The following ANKRD62 variants were observed in gnomAD, a reference collection of about 807,000 sequenced individuals.
The protein encoded by ANKRD62 is ankyrin repeat domain 62, also known as ankyrin repeat domain-containing protein 62.
Under a neutral mutation model 98.8 loss-of-function variants are expected in ANKRD62, and 61 were observed. That is an observed-to-expected ratio of 0.62 (90% confidence interval 0.50 to 0.76). The LOEUF (loss-of-function observed/expected upper bound fraction) is 0.76. Ranked by LOEUF, ANKRD62 falls within the 30% of genes least tolerant of loss-of-function variation. ANKRD62 has a pLI of 0.00. For missense variants in ANKRD62, 933 were observed against 1,082.9 expected (o/e 0.86, Z 1.94); for synonymous variants, 341 against 367.9 (o/e 0.93, Z 0.84).
At chr18:12,169,273 A>T in the ANKRD62 span, among the ~76,000 whole-genome samples, 1 of 152,214 alleles carries the variant, frequency 6.6e-6, no homozygotes, top group Non-Finnish European at 1.5e-5. Context: ...TGGGTTTATC[A>T]TAGATAGCTC....
chr18:12,169,031 G>A, the ANKRD62 span, among the ~76,000 whole-genome samples: 1 of 152,102 alleles, frequency 6.6e-6, no homozygotes, highest in Non-Finnish European at 1.5e-5. Context: ...AGGAGATTTT[G>A]GGCTGAGACG....
chr18:12,118,625 A>AAAG (rs1568064082), intron 10 of ANKRD62, among the ~76,000 whole-genome samples: 3 of 145,180 alleles, frequency 2.1e-5, no homozygotes, highest in Admixed American at 1.4e-4. Context: ...AAAAAAAAAA[A>AAAG]AAAGAAAGAA....
downstream of ANKRD62, among the ~76,000 whole-genome samples, chr18:12,134,516 C>T (rs1201073287): frequency 2.0e-5 from 3 of 152,118 alleles, no homozygotes; most frequent in Middle Eastern, 3.4e-3. Context: ...TAATGCTATC[C>T]CTCCCACCTA....
chr18:12,160,213 C>G, the ANKRD62 span, among the ~76,000 whole-genome samples: 1 of 152,082 alleles, frequency 6.6e-6, no homozygotes, highest in Non-Finnish European at 1.5e-5. Flanking sequence ...TTTGTATATT[C>G]CCTTGATCAA....
chr18:12,134,969 A>G, the ANKRD62 span, among the ~76,000 whole-genome samples: 2 of 152,124 alleles, frequency 1.3e-5, no homozygotes, highest in Non-Finnish European at 1.5e-5. Flanking sequence ...CAATAGTTAA[A>G]CTAATTTACA....
the ANKRD62 span, among the ~76,000 whole-genome samples, chr18:12,135,951 T>C: frequency 1.1e-4 from 16 of 152,370 alleles, no homozygotes; most frequent in East Asian, 2.3e-3. Context: ...TAGCCCTTTG[T>C]CAGATCAGTA....
chr18:12,126,738 A>T (rs754515278), intron 13 of ANKRD62, among the ~76,000 whole-genome samples: 1 of 152,240 alleles, frequency 6.6e-6, no homozygotes, highest in African/African-American at 2.4e-5. Context: ...AAATATTCAT[A>T]CCTAAAGTGT....
At chr18:12,151,288 C>T in the ANKRD62 span, among the ~76,000 whole-genome samples, 9 of 151,758 alleles carry the variant, frequency 5.9e-5, no homozygotes, top group African/African-American at 1.9e-4. Context: ...GTTCATAAAG[C>T]GAGTTCTTAG....
the ANKRD62 span, among the ~76,000 whole-genome samples, chr18:12,163,064 A>AT: frequency 0.012 from 1,886 of 152,172 alleles, 29 homozygotes; most frequent in African/African-American, 0.041. Context: ...TGTCATTGGT[A>AT]TTTTGAGAGG....
intron 7 of ANKRD62, among the ~76,000 whole-genome samples, chr18:12,104,022 C>T (rs566643527): frequency 2.6e-5 from 4 of 151,950 alleles, no homozygotes; most frequent in Admixed American, 2.0e-4. Context: ...GCCTACTCAC[C>T]GGTTAGTAAT....
chr18:12,115,075 G>GT lies in ANKRD62; in HGVS notation c.1065-3dup, dbSNP rs372510836. 0.013 allele frequency: 14,593 copies of GT among 1,084,698 alleles called. No individual in the cohort carries two copies. The highest frequency in any genetic ancestry group is 0.034 in the South Asian group (1,464 of 42,922). The allele number at this position is 1,084,698 out of a possible 1,614,324, so 67.2% of individuals were successfully genotyped here. A position where few individuals can be genotyped will look rare whatever the true frequency, so the allele number is the denominator to read the frequency against. ...CTATTTGCCTGATTGGAATTTTTTG[G>GT]TTTTTTTTTTAGGCTTGCAAGGAAA... On this transcript the variant is annotated splice_polypyrimidine_tract_variant and intron_variant, in intron 8 of 13. Transcript: ENST00000587848.
Position 12,122,479 on chromosome 18 carries a change from C to A in ANKRD62, c.1417C>A (p.Gln473Lys). ...CAAAACCAAATCACAGTCAGAGCATCAGAATCTTCAAGGGAAAAAAAAGCT... is the reference window on the plus strand; with the variant it reads ...CAAAACCAAATCACAGTCAGAGCATAAGAATCTTCAAGGGAAAAAAAAGCT... ...TDKTKSQSEH[Q>K]NLQGKKKLCN... Residue 473 changes from glutamine to lysine, a missense_variant, in exon 11 of 14, where the codon CAG becomes AAG. Gln to Lys is a moderately conservative substitution (Grantham distance 53). Transcript: ENST00000587848. The A allele has an allele frequency of 6.5e-7, 1 of 1,532,642 alleles. No individual in the cohort carries two copies. The highest frequency in any genetic ancestry group is 8.7e-7 in the Non-Finnish European group (1 of 1,146,010). 94.9% of individuals were successfully genotyped at this position (1,532,642 alleles called of 1,614,324 possible). A position where few individuals can be genotyped will look rare whatever the true frequency, so the allele number is the denominator to read the frequency against.
In ANKRD62 at chr18:12,128,626, A is replaced by G. The variant is rs1909942301; in HGVS notation, c.*687A>G. The G allele has an allele frequency of 2.6e-5, 4 of 152,362 alleles. No homozygotes were observed. The South Asian group carries it at 8.3e-4, about 32-fold the overall frequency. 9.4% of individuals were successfully genotyped at this position (152,362 alleles called of 1,614,324 possible). The stretch of plus-strand genomic sequence containing the variant: ...GGACATCCCTGCATTTTAAGATGAC[A>G]CTTTTAAATAAATTATCTCCTAATG... On this transcript the variant is annotated 3_prime_UTR_variant, in exon 14 of 14. Coordinates refer to ENST00000587848, the MANE Select transcript of ANKRD62 (RefSeq NM_001277333.2).
the ANKRD62 span, among the ~76,000 whole-genome samples, chr18:12,139,502 C>T: frequency 3.6e-4 from 54 of 152,036 alleles, no homozygotes; most frequent in East Asian, 4.3e-3. Flanking sequence ...AAAAATGAGC[C>T]GGACGTGGTG....
At chr18:12,151,147 G>A in the ANKRD62 span, among the ~76,000 whole-genome samples, 137 of 152,256 alleles carry the variant, frequency 9.0e-4, no homozygotes, top group African/African-American at 3.1e-3. Context: ...CCTAATTTCA[G>A]ACAAAACAGA....
At chr18:12,141,042 A>C in the ANKRD62 span, among the ~76,000 whole-genome samples, 1 of 152,158 alleles carries the variant, frequency 6.6e-6, no homozygotes. Flanking sequence ...CCTACTCAAG[A>C]CTGAGCAATG....
chr18:12,181,411 A>G, the ANKRD62 span, among the ~76,000 whole-genome samples: 1 of 152,244 alleles, frequency 6.6e-6, no homozygotes, highest in African/African-American at 2.4e-5. Flanking sequence ...ATAAACTTTA[A>G]ATGACTTATT....
the ANKRD62 span, among the ~76,000 whole-genome samples, chr18:12,145,485 T>TCTTAAGCATGTCCTGGATCCCG: frequency 6.6e-6 from 1 of 152,212 alleles, no homozygotes; most frequent in African/African-American, 2.4e-5. Flanking sequence ...CAGGCTGCTT[T>TCTTAAGCATGTCCTGGATCCCG]TTTTAAGCCC....
chr18:12,102,839 A>G (rs1909333958), intron 6 of ANKRD62: 3 of 920,442 alleles, frequency 3.3e-6, no homozygotes, highest in Non-Finnish European at 4.0e-6. Flanking sequence ...ATCTGTTAAT[A>G]CTGGATTTTC....
Sources: gnomAD v4.1 joint callset for allele counts (sites outside exome capture counted in the v4.1 genomes callset) on GRCh38, gnomAD v4.1.1 for gene constraint, MANE v1.5 for transcripts, NCBI Gene and HGNC (gene_info 2026-07-23, HGNC 2026-07-21) for gene names.